ROR2: variants seen among roughly 807,000 people sequenced by gnomAD.
ROR2 encodes ROR family WNT receptor 2.
Under a neutral mutation model 74.9 loss-of-function variants are expected in ROR2, and 33 were observed. That is an observed-to-expected ratio of 0.44 (90% confidence interval 0.33 to 0.59). The LOEUF is 0.59. Among genes scored for constraint, ROR2 ranks in the 20% least tolerant of loss-of-function variants. The pLI, the probability that ROR2 is intolerant of heterozygous loss-of-function variation, is 0.02. For missense variants in ROR2, 1,216 were observed against 1,313.8 expected, an observed-to-expected ratio of 0.93 and a Z score of 1.15; for synonymous variants, 586 against 558.7, an observed-to-expected ratio of 1.05 and a Z score of -0.69.
chr9:91,830,809 CGTGTGTGTGTGTGTGTGTGT>C (rs34963566), intron 1 of ROR2, among the ~76,000 whole-genome samples: 4 of 139,576 alleles, frequency 2.9e-5, no homozygotes, highest in Admixed American at 7.2e-5. Flanking sequence ...TAACTGTGTC[CGTGTGTGTGTGTGTGTGTGT>C]GTGTGTGTGT....
In ROR2 at chr9:91,733,174, G is replaced by A. The variant is rs777627022; in HGVS notation, c.885C>T (p.Pro295=). The A allele has an allele frequency of 3.2e-5, 51 of 1,608,724 alleles. No homozygotes were observed. The highest frequency in any genetic ancestry group is 1.1e-4 in the African/African-American group (8 of 75,000). The change falls in exon 6 of 9, where the codon CCC becomes CCT. Residue 295 remains proline, a synonymous_variant. Coordinates refer to ENST00000375708, the MANE Select transcript of ROR2 (RefSeq NM_004560.4). This position sits in a 1 kb window ranked among gnomAD's most constrained non-coding sequence, Gnocchi z 5.7. ...CAATGCGCATGCAGTTGGCAGCGTC[G>A]GGGCTCTCAGGCATGGGCAGCGCCT... The part of the protein sequence containing the change: ...KCEALPMPES[P]DAANCMRIGI...
At chr9:91,795,519 T>A (rs926627752) in intron 1 of ROR2, among the ~76,000 whole-genome samples, 1 of 152,236 alleles carries the variant, frequency 6.6e-6, no homozygotes, top group Non-Finnish European at 1.5e-5. Context: ...TTTAAAAGAA[T>A]TTATTGAATG....
intron 2 of ROR2, among the ~76,000 whole-genome samples, chr9:91,767,523 C>T (rs181067207): frequency 1.4e-4 from 22 of 152,312 alleles, no homozygotes; most frequent in East Asian, 1.3e-3. Context: ...GAGGTCATGG[C>T]GCTTTGATTA....
chr9:91,916,513 G>A (rs142919675), intron 1 of ROR2, among the ~76,000 whole-genome samples: 156 of 152,138 alleles, frequency 1.0e-3, no homozygotes, highest in African/African-American at 3.7e-3. Flanking sequence ...TTCCCCACCT[G>A]GCAACTTCCC....
At chr9:91,821,113 A>G (rs1828126280) in intron 1 of ROR2, among the ~76,000 whole-genome samples, 1 of 151,678 alleles carries the variant, frequency 6.6e-6, no homozygotes, top group East Asian at 1.9e-4. Flanking sequence ...AAAAAAAAAA[A>G]AAGAAGGGGA....
In ROR2 at chr9:91,945,427, C is replaced by G. The variant is rs927219999; in HGVS notation, c.97+4440G>C. 5.3e-5 allele frequency among the ~76,000 whole-genome samples: 8 copies of G among 152,288 alleles called. No homozygotes were observed. In the East Asian group the frequency reaches 1.4e-3, roughly 26 times the overall value. On this transcript the variant is annotated intron_variant, in intron 1 of 8. Coordinates refer to ENST00000375708, the MANE Select transcript of ROR2 (RefSeq NM_004560.4). ...TTTGGGATTTAGGGGAACCCTCCCC[C>G]ACTCCAGGAGGACTTGAAGCAGCCG...
chr9:91,830,561 C>A (rs937463265), intron 1 of ROR2, among the ~76,000 whole-genome samples: 6 of 152,160 alleles, frequency 3.9e-5, no homozygotes, highest in African/African-American at 1.4e-4. Flanking sequence ...ACTAACAACA[C>A]AAAACCCAAC....
chr9:91,924,661 C>T (rs1473662772), intron 1 of ROR2, among the ~76,000 whole-genome samples: 1 of 151,988 alleles, frequency 6.6e-6, no homozygotes, highest in African/African-American at 2.4e-5. Context: ...GGCGTGGTAG[C>T]GGGCGCCTGT....
At chr9:91,898,247 C>T (rs1404627500) in intron 1 of ROR2, among the ~76,000 whole-genome samples, 3 of 152,152 alleles carry the variant, frequency 2.0e-5, no homozygotes, top group Admixed American at 6.5e-5. Context: ...AAACTTCCCT[C>T]GGAGGAAAGG....
At chr9:91,839,882 TTTAC>T (rs912022626) in intron 1 of ROR2, among the ~76,000 whole-genome samples, 4 of 152,052 alleles carry the variant, frequency 2.6e-5, no homozygotes, top group African/African-American at 9.7e-5. Flanking sequence ...TCAACCACCT[TTTAC>T]TTGGGGACAC....
At chr9:91,874,049 C>T (rs1393752752) in intron 1 of ROR2, among the ~76,000 whole-genome samples, 1 of 152,180 alleles carries the variant, frequency 6.6e-6, no homozygotes, top group Non-Finnish European at 1.5e-5. Flanking sequence ...AATTTGGTCT[C>T]TGCCCATAGA....
rs72746229 is a variant in ROR2 at position 91,857,157 on chromosome 9, C to T, written c.98-81339G>A. On this transcript the variant is annotated intron_variant, in intron 1 of 8. Transcript: ENST00000375708. ...GCCATCTTGTTTCACGAGTGACCAT[C>T]GGGGAGGCCACCCAGCCTGCAGTCA... Among the ~76,000 whole-genome samples the T allele has an allele frequency of 3.4e-3, 519 of 152,366 alleles. 4 individuals carry two copies. Among genetic ancestry groups the T allele is most frequent in the Non-Finnish European group, 6.2e-3 (419 of 68,036 alleles).
At chr9:91,926,082 A>G (rs1831387639) in intron 1 of ROR2, among the ~76,000 whole-genome samples, 1 of 151,724 alleles carries the variant, frequency 6.6e-6, no homozygotes, top group Non-Finnish European at 1.5e-5. Flanking sequence ...CATCTCTACT[A>G]AAAAAATACA....
intron 1 of ROR2, among the ~76,000 whole-genome samples, chr9:91,787,381 G>A (rs1241956359): frequency 7.2e-5 from 11 of 152,012 alleles, no homozygotes; most frequent in Admixed American, 7.2e-4. Context: ...AGTGGTGGTG[G>A]GTGCCTGTAA....
intron 1 of ROR2, among the ~76,000 whole-genome samples, chr9:91,777,448 G>A (rs990942965): frequency 2.0e-5 from 3 of 151,866 alleles, no homozygotes; most frequent in African/African-American, 7.2e-5. Context: ...GTTATTATTA[G>A]TTATCTGGAA....
At chr9:91,771,085 GGTTTCACTACCCT>G (rs1337049044) in intron 2 of ROR2, among the ~76,000 whole-genome samples, 2 of 152,184 alleles carry the variant, frequency 1.3e-5, no homozygotes, top group Admixed American at 6.5e-5. Flanking sequence ...CCCAGGCACT[GGTTTCACTACCCT>G]GTTATTTAGA....
At chr9:91,727,437 CTT>C (rs1190913792) in intron 7 of ROR2, among the ~76,000 whole-genome samples, 2 of 151,238 alleles carry the variant, frequency 1.3e-5, no homozygotes, top group Admixed American at 1.3e-4. Flanking sequence ...AAAAGTAACT[CTT>C]TGTCTCCCTC....
intron 1 of ROR2, among the ~76,000 whole-genome samples, chr9:91,914,082 C>T (rs1382986285): frequency 6.6e-6 from 1 of 152,068 alleles, no homozygotes; most frequent in Non-Finnish European, 1.5e-5. Context: ...TGCTGTTATT[C>T]CCCAAGTCTG....
At chr9:91,931,738 G>T (rs1048351770) in intron 1 of ROR2, among the ~76,000 whole-genome samples, 3 of 152,020 alleles carry the variant, frequency 2.0e-5, no homozygotes, top group African/African-American at 7.2e-5. Flanking sequence ...TCTTGCAGAA[G>T]AAATAAAATT....
Sources: gnomAD v4.1 joint callset for allele counts (sites outside exome capture counted in the v4.1 genomes callset) on GRCh38, gnomAD v4.1.1 for gene constraint, Gnocchi (gnomAD v3.1) non-coding constraint, MANE v1.5 for transcripts, NCBI Gene and HGNC (gene_info 2026-07-23, HGNC 2026-07-21) for gene names.